The following CHIC1 variants were observed in gnomAD, a reference collection of about 807,000 sequenced individuals.
The protein encoded by CHIC1 is cysteine-rich hydrophobic domain-containing protein 1.
A neutral mutation model predicts 18.5 loss-of-function variants in CHIC1; 7 were observed. The observed-to-expected ratio is 0.38, with a 90% CI of 0.22 to 0.71. The LOEUF (loss-of-function observed/expected upper bound fraction) is 0.71, where lower values mean the gene tolerates loss of function less well. Ranked by LOEUF, CHIC1 falls within the 30% of genes least tolerant of loss-of-function variation. The pLI is 0.49. For synonymous variants in CHIC1, 77 were observed against 73.5 expected (o/e 1.05, Z -0.25); for missense variants, 159 against 176.9 (o/e 0.90, Z 0.57).
intron 3 of CHIC1, among the ~76,000 whole-genome samples, chrX:73,670,098 C>T (rs766603196): frequency 8.1e-5 from 9 of 111,606 alleles, no homozygotes; most frequent in African/African-American, 2.3e-4. Context: ...TGCAAAGAGC[C>T]GTGAGAGAAG....
At chrX:73,617,971 T>TG (rs777853384) in intron 3 of CHIC1, among the ~76,000 whole-genome samples, 1 of 111,998 alleles carries the variant, frequency 8.9e-6, no homozygotes, top group South Asian at 3.8e-4. Flanking sequence ...TCCCATGGGG[T>TG]GCTTCATTGC....
At position 73,684,295 on chromosome X, in the gene CHIC1, G is replaced by A. The variant is rs769835661; in HGVS notation, c.*3290G>A. The A allele has an allele frequency of 9.0e-6, 1 of 111,037 alleles. No homozygotes were observed. Among genetic ancestry groups the A allele is most frequent in the Non-Finnish European group, 1.9e-5 (1 of 52,737 alleles). 9.2% of individuals were successfully genotyped at this position (111,037 alleles called of 1,213,427 possible). ...TAAAGCCCCACCAAAACCCATTTAA[G>A]TATTTAATGTACATACTATTCATAT... On this transcript the variant is annotated 3_prime_UTR_variant, in exon 6 of 6. Transcript: ENST00000373502.
intron 3 of CHIC1, among the ~76,000 whole-genome samples, chrX:73,673,315 T>C: frequency 8.9e-6 from 1 of 111,883 alleles, no homozygotes; most frequent in Non-Finnish European, 1.9e-5. Flanking sequence ...GGGGATGGCA[T>C]TGAATCTATA....
chrX:73,642,487 G>T (rs1461487106), intron 3 of CHIC1, among the ~76,000 whole-genome samples: 3 of 107,287 alleles, frequency 2.8e-5, no homozygotes, highest in African/African-American at 3.4e-5. Flanking sequence ...CACTCTGATG[G>T]TAGTTTCTTT....
intron 1 of CHIC1, among the ~76,000 whole-genome samples, chrX:73,574,237 T>TAA (rs2057485251): frequency 1.8e-5 from 2 of 111,041 alleles, no homozygotes; most frequent in Non-Finnish European, 3.8e-5. Flanking sequence ...ATTTATTGAT[T>TAA]TGTGTATGTT....
intron 3 of CHIC1, among the ~76,000 whole-genome samples, chrX:73,628,105 C>T (rs1353604127): frequency 1.8e-5 from 2 of 111,585 alleles, no homozygotes; most frequent in Non-Finnish European, 3.8e-5. Context: ...GGTCCTGGAA[C>T]GGGAGCCTCA....
intron 1 of CHIC1, among the ~76,000 whole-genome samples, chrX:73,574,268 G>A (rs1464856414): frequency 9.0e-6 from 1 of 110,894 alleles, no homozygotes; most frequent in African/African-American, 3.3e-5. Flanking sequence ...TGCATCCCAG[G>A]AATAAAGGCT....
chrX:73,662,997 A>G (rs2057987863), intron 3 of CHIC1, among the ~76,000 whole-genome samples: 1 of 111,806 alleles, frequency 8.9e-6, no homozygotes, highest in Non-Finnish European at 1.9e-5. Flanking sequence ...CTGGCCTTTC[A>G]TTATTGATAG....
At chrX:73,574,062 G>A (rs956728311) in intron 1 of CHIC1, among the ~76,000 whole-genome samples, 15 of 110,405 alleles carry the variant, frequency 1.4e-4, no homozygotes, top group South Asian at 3.8e-4. Flanking sequence ...GTGGCTGTGC[G>A]TTTCTCATAC....
intron 3 of CHIC1, among the ~76,000 whole-genome samples, chrX:73,609,526 C>T (rs376361990): frequency 9.2e-6 from 1 of 108,882 alleles, no homozygotes; most frequent in Admixed American, 9.6e-5. Context: ...CTCAGCCTCC[C>T]GAGTAGCGGC....
At chrX:73,607,286 G>A (rs2057687749) in intron 3 of CHIC1, among the ~76,000 whole-genome samples, 1 of 108,197 alleles carries the variant, frequency 9.2e-6, no homozygotes, top group Admixed American at 9.7e-5. Flanking sequence ...CGCTGTGAGG[G>A]TAAAACTGTC....
At chrX:73,574,738 A>AT (rs1340418532) in intron 1 of CHIC1, among the ~76,000 whole-genome samples, 1 of 110,311 alleles carries the variant, frequency 9.1e-6, no homozygotes, top group African/African-American at 3.3e-5. Flanking sequence ...TTATACGAAT[A>AT]TTTTTTGTAT....
At chrX:73,661,763 C>T (rs889649222) in intron 3 of CHIC1, among the ~76,000 whole-genome samples, 4 of 111,423 alleles carry the variant, frequency 3.6e-5, no homozygotes, top group African/African-American at 1.3e-4. Flanking sequence ...GAAAAAGTTT[C>T]CAGGGCTCCA....
At position 73,670,701 on chromosome X, in the gene CHIC1, G is replaced by A. The variant is rs957916696; in HGVS notation, c.508-8625G>A. Among the ~76,000 whole-genome samples the A allele has an allele frequency of 2.2e-4, 24 of 110,582 alleles. No homozygotes were observed. The Admixed American group carries it at 2.2e-3, about 10-fold the overall frequency. On this transcript the variant is annotated intron_variant, in intron 3 of 5. Transcript: ENST00000373502. ...GTATTGCTTTTGCTGTATCTTACAGGTTTTGGTATGTTTTTCCTTTTTATT... is the reference window on the plus strand; with the variant it reads ...GTATTGCTTTTGCTGTATCTTACAGATTTTGGTATGTTTTTCCTTTTTATT...
chrX:73,648,601 T>G (rs1298990830), intron 3 of CHIC1, among the ~76,000 whole-genome samples: 1 of 110,993 alleles, frequency 9.0e-6, no homozygotes, highest in Non-Finnish European at 1.9e-5. Context: ...ATTGACCAAG[T>G]GGAAGAAAGG....
At chrX:73,675,269 C>A (rs1377090966) in intron 3 of CHIC1, among the ~76,000 whole-genome samples, 2 of 111,260 alleles carry the variant, frequency 1.8e-5, no homozygotes, top group Non-Finnish European at 3.8e-5. Context: ...GAGCTGAGTT[C>A]AATTCCTGGG....
chrX:73,565,089 C>G (rs1056637799), intron 1 of CHIC1, among the ~76,000 whole-genome samples: 1 of 110,821 alleles, frequency 9.0e-6, no homozygotes, highest in Non-Finnish European at 1.9e-5. Flanking sequence ...TTTCTTGGTC[C>G]AAGAATTTTG....
intron 3 of CHIC1, among the ~76,000 whole-genome samples, chrX:73,584,982 A>G (rs966421655): frequency 1.8e-5 from 2 of 111,636 alleles, no homozygotes; most frequent in African/African-American, 6.5e-5. Context: ...AGTTTTAAAC[A>G]TGTTACAATA....
chrX:73,577,853 TA>T (rs767079105), intron 2 of CHIC1, among the ~76,000 whole-genome samples: 1 of 110,289 alleles, frequency 9.1e-6, no homozygotes, highest in African/African-American at 3.3e-5. Context: ...TACATGAAAA[TA>T]ATTAAATTTT....
Sources: allele counts gnomAD v4.1 joint callset (sites outside exome capture counted in the v4.1 genomes callset), GRCh38; gene constraint gnomAD v4.1.1; transcripts MANE v1.5; gene names NCBI Gene and HGNC (gene_info 2026-07-23, HGNC 2026-07-21).